The following SCHIP1 variants were observed in gnomAD, a reference collection of about 807,000 sequenced individuals.
SCHIP1 encodes schwannomin-interacting protein 1.
In SCHIP1, 8 loss-of-function variants were observed where a neutral mutation model predicts 29.7. The ratio of observed to expected loss-of-function variants is 0.27; its 90% CI spans 0.16 to 0.49. The LOEUF is 0.49. Among genes scored for constraint, SCHIP1 ranks in the 20% least tolerant of loss-of-function variants. The probability of loss-of-function intolerance (pLI) is 0.99; values close to 1 mark genes in which losing one functional copy is unlikely to be tolerated. For synonymous variants in SCHIP1, 76 were observed against 94.9 expected (o/e 0.80, Z 1.16); for missense variants, 193 against 294.6 (o/e 0.66, Z 2.52).
the SCHIP1 span, among the ~76,000 whole-genome samples, chr3:159,561,371 T>C: frequency 2.0e-5 from 3 of 152,234 alleles, no homozygotes; most frequent in African/African-American, 7.2e-5. Flanking sequence ...AAATAAAAGC[T>C]GTCCCATGAG....
chr3:159,572,577 G>A, the SCHIP1 span, among the ~76,000 whole-genome samples: 4 of 152,192 alleles, frequency 2.6e-5, no homozygotes, highest in African/African-American at 9.6e-5. Context: ...GTGGTGCTGA[G>A]AAGAATGTAT....
At chr3:159,616,276 A>G in the SCHIP1 span, among the ~76,000 whole-genome samples, 6 of 151,916 alleles carry the variant, frequency 3.9e-5, no homozygotes, top group African/African-American at 1.5e-4. Flanking sequence ...TTTTTTTTGT[A>G]TTTTTAGTAG....
chr3:159,600,587 A>AT, the SCHIP1 span, among the ~76,000 whole-genome samples: 1 of 152,070 alleles, frequency 6.6e-6, no homozygotes, highest in Non-Finnish European at 1.5e-5. Context: ...CATATCCCCA[A>AT]TTTTTTGTAT....
the SCHIP1 span, among the ~76,000 whole-genome samples, chr3:159,472,489 G>C: frequency 1.3e-5 from 2 of 152,152 alleles, no homozygotes; most frequent in African/African-American, 4.8e-5. Flanking sequence ...TACCTCTTAT[G>C]CTATATTGCC....
chr3:159,695,454 C>A, the SCHIP1 span, among the ~76,000 whole-genome samples: 2 of 152,264 alleles, frequency 1.3e-5, no homozygotes, highest in East Asian at 3.9e-4. Context: ...TGCGTTCTAC[C>A]TTCTGACTCC....
At chr3:159,658,741 T>C in the SCHIP1 span, among the ~76,000 whole-genome samples, 2 of 152,170 alleles carry the variant, frequency 1.3e-5, no homozygotes, top group Non-Finnish European at 2.9e-5. Flanking sequence ...GATTTATATA[T>C]CCAACTCTCT....
At chr3:159,303,686 C>T in the SCHIP1 span, among the ~76,000 whole-genome samples, 1 of 152,070 alleles carries the variant, frequency 6.6e-6, no homozygotes, top group Non-Finnish European at 1.5e-5. Context: ...TTAGGAAATC[C>T]ACAGGTGTCC....
At chr3:159,421,659 C>T in the SCHIP1 span, among the ~76,000 whole-genome samples, 2 of 152,288 alleles carry the variant, frequency 1.3e-5, no homozygotes, top group East Asian at 1.9e-4. Context: ...CAGAAATAGA[C>T]GTAAGCCTAA....
intron 1 of SCHIP1, among the ~76,000 whole-genome samples, chr3:159,841,092 C>T (rs968923607): frequency 5.9e-5 from 9 of 152,092 alleles, no homozygotes; most frequent in African/African-American, 2.2e-4. Flanking sequence ...CTCTGAGAGA[C>T]CAATTCTCTA....
At chr3:159,375,909 C>A in the SCHIP1 span, 1 of 218,104 alleles carries the variant, frequency 4.6e-6, no homozygotes, top group Non-Finnish European at 7.8e-6. Context: ...TAAAAATGTG[C>A]CCTTTTCCAA....
chr3:159,455,724 C>T, the SCHIP1 span, among the ~76,000 whole-genome samples: 1 of 152,210 alleles, frequency 6.6e-6, no homozygotes, highest in Non-Finnish European at 1.5e-5. Flanking sequence ...TTTACTATCA[C>T]ACCACAGATG....
chr3:159,788,382 G>A, the SCHIP1 span, among the ~76,000 whole-genome samples: 2 of 152,220 alleles, frequency 1.3e-5, no homozygotes, highest in African/African-American at 4.8e-5. Context: ...TTAAAATCAT[G>A]GCCTGTGGAT....
intron 2 of SCHIP1, 63 bp downstream of exon 3, chr3:159,866,344 C>T (rs1447689578): frequency 2.1e-6 from 3 of 1,444,906 alleles, no homozygotes; most frequent in South Asian, 2.6e-5. Context: ...CTTGACTATT[C>T]TAATAAAAAA....
the SCHIP1 span, among the ~76,000 whole-genome samples, chr3:159,800,502 A>G: frequency 6.6e-6 from 1 of 152,232 alleles, no homozygotes; most frequent in African/African-American, 2.4e-5. Flanking sequence ...CACAGATGGT[A>G]TCTGGAGCAA....
intron 1 of SCHIP1, among the ~76,000 whole-genome samples, chr3:159,862,826 T>G (rs1455332425): frequency 7.9e-5 from 12 of 152,224 alleles, no homozygotes; most frequent in Admixed American, 7.9e-4. Context: ...AAAACTTTTT[T>G]TTTTAAGTGA....
the SCHIP1 span, among the ~76,000 whole-genome samples, chr3:159,331,971 G>A: frequency 6.6e-6 from 1 of 152,216 alleles, no homozygotes; most frequent in Non-Finnish European, 1.5e-5. Context: ...GGCTCCACCT[G>A]GTCCTGGCTC....
chr3:159,492,649 A>G, the SCHIP1 span, among the ~76,000 whole-genome samples: 3 of 152,224 alleles, frequency 2.0e-5, no homozygotes, highest in African/African-American at 7.2e-5. Flanking sequence ...AGTGATGGGG[A>G]GAATGGAACC....
the SCHIP1 span, chr3:159,306,589 A>G: frequency 1.1e-6 from 1 of 922,556 alleles, no homozygotes; most frequent in Non-Finnish European, 1.3e-6. Flanking sequence ...ATTTTCCTTT[A>G]TGAAAAAAAT....
rs1560096805 is a variant in SCHIP1, at chr3:159,886,187, T to C, written c.150-20T>C. 1 of 1,612,752 alleles carries C rather than the reference T, an allele frequency of 6.2e-7. No individual in the cohort carries two copies. The highest frequency in any genetic ancestry group is 8.5e-7 in the Non-Finnish European group (1 of 1,178,780). ...AACAAACAGCTAAGTAGAACTAGTG[T>C]CCTGTTTGTTTCTGCCCAGACTGCA... On this transcript the variant is annotated intron_variant, in intron 2 of 6. Transcript: ENST00000445224.
Sources: allele counts gnomAD v4.1 joint callset (sites outside exome capture counted in the v4.1 genomes callset), GRCh38; gene constraint gnomAD v4.1.1; transcripts MANE v1.5; gene names NCBI Gene and HGNC (gene_info 2026-07-23, HGNC 2026-07-21).